SEMA3E: variants seen among roughly 807,000 people sequenced by gnomAD.
SEMA3E encodes semaphorin-3E.
SEMA3E carries 49 observed loss-of-function variants against 93.6 expected under a neutral mutation model. That is an observed-to-expected ratio of 0.52 (90% CI 0.42 to 0.66). The LOEUF (loss-of-function observed/expected upper bound fraction) is 0.66. Ranked by LOEUF, SEMA3E falls within the 30% of genes least tolerant of loss-of-function variation. SEMA3E has a pLI of 0.00. For missense variants in SEMA3E, 906 were observed against 964.8 expected, an observed-to-expected ratio of 0.94 and a Z score of 0.81; for synonymous variants, 363 against 330.7, an observed-to-expected ratio of 1.10 and a Z score of -1.06.
chr7:83,518,958 C>T (rs570286675), intron 1 of SEMA3E, among the ~76,000 whole-genome samples: 138 of 151,882 alleles, frequency 9.1e-4, no homozygotes, highest in African/African-American at 3.2e-3. Context: ...CATTAGATTT[C>T]CTTTCTTTCT....
At chr7:83,613,085 T>C (rs999036932) in intron 1 of SEMA3E, among the ~76,000 whole-genome samples, 2 of 152,086 alleles carry the variant, frequency 1.3e-5, no homozygotes, top group African/African-American at 2.4e-5. Flanking sequence ...ATTTGGGAGA[T>C]TGGAGATGGT....
chr7:83,441,706 C>T (rs1789118097), intron 4 of SEMA3E, among the ~76,000 whole-genome samples: 1 of 152,106 alleles, frequency 6.6e-6, no homozygotes, highest in South Asian at 2.1e-4. Flanking sequence ...GAGTAACCTG[C>T]CCCATGTTAC....
chr7:83,505,564 T>C (rs1195530664), intron 1 of SEMA3E, among the ~76,000 whole-genome samples: 1 of 152,178 alleles, frequency 6.6e-6, no homozygotes, highest in Non-Finnish European at 1.5e-5. Flanking sequence ...TCTCACTTCA[T>C]AAACTATTGT....
At chr7:83,560,213 T>C (rs985453125) in intron 1 of SEMA3E, among the ~76,000 whole-genome samples, 2 of 152,084 alleles carry the variant, frequency 1.3e-5, no homozygotes, top group Non-Finnish European at 2.9e-5. Flanking sequence ...ATGTAAACTA[T>C]GAACTTTGGG....
At chr7:83,626,959 A>G (rs1793682612) in intron 1 of SEMA3E, among the ~76,000 whole-genome samples, 1 of 152,074 alleles carries the variant, frequency 6.6e-6, no homozygotes, top group Non-Finnish European at 1.5e-5. Context: ...TAATTTCGTT[A>G]TTTACCCACT....
intron 14 of SEMA3E, among the ~76,000 whole-genome samples, chr7:83,390,199 G>A (rs185720676): frequency 0.012 from 115 of 9,688 alleles, 30 homozygotes; most frequent in Admixed American, 0.021. Context: ...GCGCGTATAC[G>A]TGTGCACATA....
At chr7:83,482,505 T>C (rs888607814) in intron 2 of SEMA3E, among the ~76,000 whole-genome samples, 3 of 134,422 alleles carry the variant, frequency 2.2e-5, no homozygotes, top group Non-Finnish European at 4.5e-5. Context: ...GCGGAGCTTG[T>C]AGTGAGCCGA....
intron 1 of SEMA3E, among the ~76,000 whole-genome samples, chr7:83,639,596 A>G (rs1793957706): frequency 6.6e-6 from 1 of 151,444 alleles, no homozygotes; most frequent in East Asian, 1.9e-4. Flanking sequence ...TTTAAAAACA[A>G]TTACATAAAT....
chr7:83,465,084 A>C (rs115493870), intron 4 of SEMA3E, among the ~76,000 whole-genome samples: 3,280 of 152,018 alleles, frequency 0.022, 127 homozygotes, highest in African/African-American at 0.074. Context: ...AAGAAGTGTA[A>C]ATGGCTGGTC....
At chr7:83,519,229 T>C (rs1325457552) in intron 1 of SEMA3E, among the ~76,000 whole-genome samples, 1 of 152,058 alleles carries the variant, frequency 6.6e-6, no homozygotes, top group Non-Finnish European at 1.5e-5. Flanking sequence ...GTGTTTGGTT[T>C]TTTGTTCTTG....
At chr7:83,494,899 T>C (rs937721872) in intron 1 of SEMA3E, among the ~76,000 whole-genome samples, 1 of 152,004 alleles carries the variant, frequency 6.6e-6, no homozygotes, top group Non-Finnish European at 1.5e-5. Context: ...TGGCTTCATC[T>C]AGATTGAATG....
At chr7:83,479,602 A>T (rs1307754041) in intron 2 of SEMA3E, among the ~76,000 whole-genome samples, 1 of 152,174 alleles carries the variant, frequency 6.6e-6, no homozygotes, top group Admixed American at 6.5e-5. Flanking sequence ...TGTTCCAGGC[A>T]CTGTTCTGGG....
At chr7:83,506,740 A>G (rs1790713044) in intron 1 of SEMA3E, among the ~76,000 whole-genome samples, 1 of 152,198 alleles carries the variant, frequency 6.6e-6, no homozygotes, top group Admixed American at 6.5e-5. Flanking sequence ...CTCAGAAAAC[A>G]AGTAAGTTGG....
intron 1 of SEMA3E, among the ~76,000 whole-genome samples, chr7:83,562,124 G>A (rs1792041912): frequency 6.6e-6 from 1 of 152,084 alleles, no homozygotes; most frequent in African/African-American, 2.4e-5. Flanking sequence ...ACCTTTCAAA[G>A]GAAACATTTG....
At chr7:83,368,699 C>T (rs2709968) in intron 16 of SEMA3E, among the ~76,000 whole-genome samples, 146,539 of 152,292 alleles carry the variant, frequency 0.96, 70,771 homozygotes, top group East Asian at 1. Flanking sequence ...TATTAAGTTT[C>T]AATATACCTT....
At chr7:83,541,255 A>G (rs902651933) in intron 1 of SEMA3E, among the ~76,000 whole-genome samples, 2 of 152,204 alleles carry the variant, frequency 1.3e-5, no homozygotes, top group African/African-American at 4.8e-5. Flanking sequence ...AAATTCTTTG[A>G]AGTGATGTGA....
chr7:83,483,845 GTTAT>G (rs1443664170), intron 2 of SEMA3E, among the ~76,000 whole-genome samples: 2 of 152,082 alleles, frequency 1.3e-5, no homozygotes, highest in African/African-American at 4.8e-5. Flanking sequence ...AAAATTGAAG[GTTAT>G]TTATCTTCCC....
intron 1 of SEMA3E, among the ~76,000 whole-genome samples, chr7:83,531,369 T>C (rs1203321686): frequency 1.2e-5 from 1 of 82,724 alleles, no homozygotes; most frequent in Admixed American, 1.5e-4. Flanking sequence ...TTTTCCGAGA[T>C]GGAGTTTTGC....
chr7:83,413,233 CTGAGT>C lies in SEMA3E; in HGVS notation c.551-4751_551-4747del, dbSNP rs1284989394. 9.9e-5 allele frequency among the ~76,000 whole-genome samples: 15 copies of C among 152,016 alleles called. 1 individual carries two copies. In the East Asian group the frequency reaches 2.9e-3, roughly 29 times the overall value. Reference sequence around the variant, plus strand: ...GTTTTGTTCATGGACTATATATTATCTGAGTTTTTATTTACCATGTTGGATTTTAA... The same window carrying C: ...GTTTTGTTCATGGACTATATATTATCTTTTATTTACCATGTTGGATTTTAA... On this transcript the variant is annotated intron_variant, in intron 5 of 16. Coordinates refer to ENST00000643230, the MANE Select transcript of SEMA3E (RefSeq NM_012431.3).
Sources: gnomAD v4.1 joint callset for allele counts (sites outside exome capture counted in the v4.1 genomes callset) on GRCh38, gnomAD v4.1.1 for gene constraint, MANE v1.5 for transcripts, NCBI Gene and HGNC (gene_info 2026-07-23, HGNC 2026-07-21) for gene names.